Variants in ZFHX3 observed in about 807,000 individuals in gnomAD.
The protein encoded by ZFHX3 is zinc finger homeobox 3.
Under a neutral mutation model 279.1 loss-of-function variants are expected in ZFHX3, and 42 were observed. The observed-to-expected ratio is 0.15, with a 90% CI of 0.12 to 0.19. The LOEUF (loss-of-function observed/expected upper bound fraction) is 0.19. Among genes scored for constraint, ZFHX3 ranks in the 10% least tolerant of loss-of-function variants. The pLI, the probability that ZFHX3 is intolerant of heterozygous loss-of-function variation, is 1.00. For synonymous variants in ZFHX3, 2,293 were observed against 1,957.8 expected (o/e 1.17, Z -4.52); for missense variants, 4,981 against 4,754.0 (o/e 1.05, Z -1.40).
At chr16:73,324,439 T>C (rs543440792) in intron 3 of ZFHX3, among the ~76,000 whole-genome samples, 1 of 152,332 alleles carries the variant, frequency 6.6e-6, no homozygotes, top group East Asian at 1.9e-4. Flanking sequence ...CCCAGCTCCC[T>C]TGAAGTAAGG....
chr16:73,097,948 A>G (rs1312630319), intron 7 of ZFHX3, among the ~76,000 whole-genome samples: 1 of 152,118 alleles, frequency 6.6e-6, no homozygotes, highest in Non-Finnish European at 1.5e-5. Context: ...CACTGTATGG[A>G]TATACCACAT....
At chr16:73,112,236 G>A (rs536854266) in intron 7 of ZFHX3, among the ~76,000 whole-genome samples, 18 of 152,026 alleles carry the variant, frequency 1.2e-4, no homozygotes, top group Admixed American at 7.9e-4. Flanking sequence ...AGAGGGGTGG[G>A]ATAATGAGAG....
At chr16:73,183,246 T>C (rs1478293917) in intron 5 of ZFHX3, among the ~76,000 whole-genome samples, 1 of 152,220 alleles carries the variant, frequency 6.6e-6, no homozygotes, top group Admixed American at 6.5e-5. Context: ...CAATGTTCAC[T>C]ATTTGGGTGA....
intron 6 of ZFHX3, among the ~76,000 whole-genome samples, chr16:73,142,232 T>G (rs766331965): frequency 2.8e-4 from 42 of 152,254 alleles, no homozygotes; most frequent in Non-Finnish European, 4.7e-4. Flanking sequence ...CTCTGGCCTT[T>G]TGCCCTGCCT....
intron 2 of ZFHX3, among the ~76,000 whole-genome samples, chr16:73,584,797 A>T (rs1005219279): frequency 1.3e-5 from 2 of 152,218 alleles, no homozygotes; most frequent in Non-Finnish European, 2.9e-5. Context: ...GAGAGAGAAC[A>T]GACAACCTAC....
chr16:72,969,134 C>T (rs1356874858), intron 1 of ZFHX3, among the ~76,000 whole-genome samples: 6 of 152,002 alleles, frequency 3.9e-5, no homozygotes, highest in Non-Finnish European at 7.4e-5. Flanking sequence ...ATAGTAACCC[C>T]CCAAAACTAT....
intron 3 of ZFHX3, among the ~76,000 whole-genome samples, chr16:73,362,501 GC>G (rs1371078669): frequency 6.6e-6 from 1 of 152,144 alleles, no homozygotes; most frequent in Non-Finnish European, 1.5e-5. Flanking sequence ...TGGGTGTTAG[GC>G]CTCACCAGAC....
intron 3 of ZFHX3, among the ~76,000 whole-genome samples, chr16:73,322,279 C>CTT (rs35155886): frequency 3.4e-5 from 5 of 145,742 alleles, no homozygotes; most frequent in African/African-American, 1.0e-4. Context: ...ATCTTCATGG[C>CTT]TTTTTTTTTT....
chr16:72,957,476 T>C lies in ZFHX3; in HGVS notation c.2670A>G (p.Gly890=), dbSNP rs1302717767. The C allele has an allele frequency of 6.2e-7, 1 of 1,613,772 alleles. No homozygotes were observed. The highest frequency in any genetic ancestry group is 8.5e-7 in the Non-Finnish European group (1 of 1,179,928). ...AASDAQFMMS[G]FQLDPAGPMA... ...TGGGCCCGGCGGGATCCAGCTGGAA[T>C]CCGCTCATCATGAACTGGGCGTCCG... Residue 890 remains glycine (G), a synonymous_variant, in exon 2 of 10, where the codon GGA becomes GGG. Coordinates refer to ENST00000268489, the MANE Select transcript of ZFHX3 (RefSeq NM_006885.4).
chr16:73,408,870 G>A (rs1257045233), intron 3 of ZFHX3, among the ~76,000 whole-genome samples: 2 of 152,006 alleles, frequency 1.3e-5, no homozygotes, highest in African/African-American at 2.4e-5. Context: ...CGAGGCAACC[G>A]AAGTTGTCCT....
chr16:73,768,057 G>A lies in ZFHX3; in HGVS notation c.-1607-87817C>T, dbSNP rs114162234. On this transcript the variant is annotated intron_variant, in intron 1 of 17. Transcript: ENST00000641206. ...GAGTAGCCACATGAGAAGGGTACCA[G>A]AAAGGATTCAGGGCCTTCGGTCAAA... 2.1e-3 allele frequency among the ~76,000 whole-genome samples: 320 copies of A among 152,300 alleles called. 3 individuals carry two copies. The highest frequency in any genetic ancestry group is 7.2e-3 in the African/African-American group (299 of 41,556).
intron 1 of ZFHX3, among the ~76,000 whole-genome samples, chr16:72,985,132 A>G (rs908852728): frequency 1.3e-5 from 2 of 152,170 alleles, no homozygotes; most frequent in African/African-American, 2.4e-5. Context: ...GGGTCTGCCT[A>G]CTGGCTTTGT....
chr16:73,880,462 T>C lies in ZFHX3; in HGVS notation c.-1608+11189A>G, dbSNP rs1434836017. Among the ~76,000 whole-genome samples, 55 of 152,180 alleles carry C rather than the reference T, an allele frequency of 3.6e-4. 1 individual carries two copies. The highest frequency in any genetic ancestry group is 1.5e-5 in the Non-Finnish European group (1 of 68,016). ...GATTTGACGTAATTTGCAACTTCAA[T>C]GTGGAGCTTTTAAAAATTATCACTC... On this transcript the variant is annotated intron_variant, in intron 1 of 17. Coordinates refer to the ZFHX3 transcript ENST00000641206.
intron 4 of ZFHX3, among the ~76,000 whole-genome samples, chr16:73,307,193 A>T (rs938399694): frequency 2.0e-5 from 3 of 152,236 alleles, no homozygotes; most frequent in African/African-American, 7.2e-5. Flanking sequence ...CCATCAAGTC[A>T]TCTGAGGCCA....
At chr16:73,591,714 A>AAAAAAAAAAG (rs2052001016) in intron 2 of ZFHX3, among the ~76,000 whole-genome samples, 1 of 145,238 alleles carries the variant, frequency 6.9e-6, no homozygotes, top group Non-Finnish European at 1.5e-5. Flanking sequence ...AAAAAAAAAA[A>AAAAAAAAAAG]AAAAGAAAAG....
intron 3 of ZFHX3, among the ~76,000 whole-genome samples, chr16:72,932,941 A>ATTAAG (rs144948701): frequency 0.041 from 6,193 of 152,292 alleles, 296 homozygotes; most frequent in African/African-American, 0.1. Flanking sequence ...ACAAACAGGA[A>ATTAAG]TTAAGTCCCA....
chr16:73,479,017 A>C (rs375882505), intron 2 of ZFHX3, among the ~76,000 whole-genome samples: 2 of 152,248 alleles, frequency 1.3e-5, no homozygotes, highest in East Asian at 3.9e-4. Context: ...ATGCCACTGC[A>C]CTCCAGCCTG....
At chr16:73,431,486 C>T (rs1009174295) in intron 3 of ZFHX3, among the ~76,000 whole-genome samples, 11 of 152,022 alleles carry the variant, frequency 7.2e-5, no homozygotes, top group African/African-American at 1.9e-4. Flanking sequence ...CGTTGCAGTG[C>T]GCCAAGATCA....
At chr16:73,236,610 A>G (rs2012957877) in intron 5 of ZFHX3, among the ~76,000 whole-genome samples, 1 of 152,172 alleles carries the variant, frequency 6.6e-6, no homozygotes, top group African/African-American at 2.4e-5. Context: ...AAAAAAAATA[A>G]GTAGTGATCT....
Sources: allele counts gnomAD v4.1 joint callset (sites outside exome capture counted in the v4.1 genomes callset), GRCh38; gene constraint gnomAD v4.1.1; transcripts MANE v1.5; gene names NCBI Gene and HGNC (gene_info 2026-07-23, HGNC 2026-07-21).